Variants in ALPK2 observed in about 807,000 individuals in gnomAD.
ALPK2 encodes alpha-protein kinase 2.
A neutral mutation model predicts 163.1 loss-of-function variants in ALPK2; 127 were observed. The ratio of observed to expected loss-of-function variants is 0.78; its 90% CI spans 0.67 to 0.90. The LOEUF (loss-of-function observed/expected upper bound fraction) is 0.90. Ranked by LOEUF, ALPK2 falls within the 40% of genes least tolerant of loss-of-function variation. ALPK2 has a pLI of 0.00. For synonymous variants in ALPK2, 953 were observed against 959.1 expected (o/e 0.99, Z 0.12); for missense variants, 2,360 against 2,589.6 (o/e 0.91, Z 1.92).
chr18:58,488,006 G>A (rs1208272678), intron 12 of ALPK2, among the ~76,000 whole-genome samples: 1 of 152,134 alleles, frequency 6.6e-6, no homozygotes, highest in South Asian at 2.1e-4. Flanking sequence ...TGGAGTGGGG[G>A]TGGAATTTTC....
chr18:58,537,602 A>G lies in ALPK2; in HGVS notation c.2585T>C (p.Val862Ala). The change falls in exon 5 of 13, where the codon GTC becomes GCC. Residue 862 changes from valine to alanine, a missense_variant. Physicochemically the swap from Val to Ala is moderately conservative, Grantham distance 64. Coordinates refer to ENST00000361673, the MANE Select transcript of ALPK2 (RefSeq NM_052947.4). Reference sequence around the variant, plus strand: ...CTCAGACACTTGTGTCTGAAAAAAGACTTCCAGTGTCTTGTCATTAGAAGA... The same window carrying G: ...CTCAGACACTTGTGTCTGAAAAAAGGCTTCCAGTGTCTTGTCATTAGAAGA... ...LCSSNDKTLE[V>A]FFQTQVSETS... 1 of 1,613,712 alleles carries G rather than the reference A, an allele frequency of 6.2e-7. No homozygotes were observed. Among genetic ancestry groups the G allele is most frequent in the Non-Finnish European group, 8.5e-7 (1 of 1,179,668 alleles).
rs373719381 is a variant in ALPK2 at position 58,482,055 on chromosome 18, G to A, written c.6297-16C>T. ...TCCCTTGTACCTGTGAGTTTGGGTG[G>A]AAGGAAACATAGCTTTTAAAAACAG... is the stretch of plus-strand genomic sequence containing the variant. On this transcript the variant is annotated splice_polypyrimidine_tract_variant and intron_variant, in intron 12 of 12. Coordinates refer to ENST00000361673, the MANE Select transcript of ALPK2 (RefSeq NM_052947.4). The A allele has an allele frequency of 1.2e-5, 19 of 1,593,670 alleles. No homozygotes were observed. Among genetic ancestry groups the A allele is most frequent in the Non-Finnish European group, 2.6e-6 (3 of 1,162,180 alleles).
chr18:58,616,637 C>A (rs2052170229), intron 1 of ALPK2, among the ~76,000 whole-genome samples: 1 of 152,228 alleles, frequency 6.6e-6, no homozygotes, highest in Non-Finnish European at 1.5e-5. Context: ...CATCCACACA[C>A]TGGGAGGGTG....
intron 1 of ALPK2, among the ~76,000 whole-genome samples, chr18:58,627,480 T>C (rs1396995856): frequency 6.6e-6 from 1 of 151,936 alleles, no homozygotes; most frequent in Non-Finnish European, 1.5e-5. Flanking sequence ...AAAAATTAGC[T>C]GGGCATGGTG....
At chr18:58,616,876 G>C (rs2052172060) in intron 1 of ALPK2, among the ~76,000 whole-genome samples, 2 of 152,148 alleles carry the variant, frequency 1.3e-5, no homozygotes, top group African/African-American at 4.8e-5. Flanking sequence ...AGTTCCAGAA[G>C]CCTTGACTTG....
At chr18:58,591,558 G>A (rs2052015143) in intron 3 of ALPK2, among the ~76,000 whole-genome samples, 2 of 152,224 alleles carry the variant, frequency 1.3e-5, no homozygotes, top group South Asian at 2.1e-4. Flanking sequence ...AATGAAGGGA[G>A]GTTTCCTGGG....
At chr18:58,517,807 ACAGGTAGCAATAAAC>A (rs1470640732) in intron 8 of ALPK2, among the ~76,000 whole-genome samples, 2 of 152,258 alleles carry the variant, frequency 1.3e-5, no homozygotes, top group African/African-American at 2.4e-5. Context: ...AGTATAGGAA[ACAGGTAGCAATAAAC>A]AAAACAAAAA....
intron 1 of ALPK2, among the ~76,000 whole-genome samples, chr18:58,621,399 C>G (rs1435658670): frequency 1.3e-5 from 2 of 151,694 alleles, no homozygotes; most frequent in Admixed American, 6.6e-5. Flanking sequence ...CTCAGCCTCC[C>G]GAGCTCGAAC....
chr18:58,570,233 T>G (rs1279573841), intron 4 of ALPK2, among the ~76,000 whole-genome samples: 1 of 152,256 alleles, frequency 6.6e-6, no homozygotes, highest in African/African-American at 2.4e-5. Context: ...GTTTTTATTT[T>G]GGGAGAATAC....
chr18:58,599,373 C>T (rs2052057545), intron 3 of ALPK2, among the ~76,000 whole-genome samples: 1 of 152,212 alleles, frequency 6.6e-6, no homozygotes, highest in African/African-American at 2.4e-5. Flanking sequence ...CCACGGGAAC[C>T]TGCCTCAGCC....
At chr18:58,529,812 T>C (rs755830063) in intron 5 of ALPK2, among the ~76,000 whole-genome samples, 1 of 152,202 alleles carries the variant, frequency 6.6e-6, no homozygotes, top group Non-Finnish European at 1.5e-5. Context: ...CAAAAGAGAA[T>C]AGAAGCAATA....
intron 4 of ALPK2, among the ~76,000 whole-genome samples, chr18:58,567,231 A>C (rs971616355): frequency 3.9e-5 from 6 of 151,934 alleles, no homozygotes; most frequent in Non-Finnish European, 8.8e-5. Flanking sequence ...ACTTAAAAAA[A>C]AAAAAGGCCG....
In ALPK2 at chr18:58,578,861, T is replaced by A. The variant is rs1246600533; in HGVS notation, c.1915A>T (p.Thr639Ser). 9.3e-6 allele frequency: 15 copies of A among 1,613,768 alleles called. No individual in the cohort carries two copies. Among genetic ancestry groups the A allele is most frequent in the Non-Finnish European group, 1.2e-5 (14 of 1,179,984 alleles). The change falls in exon 4 of 13, where the codon ACT (threonine) becomes TCT (serine). Residue 639 changes from threonine to serine, a missense_variant. Physicochemically the swap from Thr to Ser is moderately conservative, Grantham distance 58. Transcript: ENST00000361673. ...GGAACCTGGCTTGTTTCAAATAGAG[T>A]ATTAACTTGCATGCCTTCTCCCTTG... is the stretch of plus-strand genomic sequence containing the variant. ...NCKGEGMQVN[T>S]LFETSQVPDW...
intron 4 of ALPK2, among the ~76,000 whole-genome samples, chr18:58,550,551 C>G (rs2051751320): frequency 9.2e-5 from 14 of 151,942 alleles, no homozygotes; most frequent in South Asian, 2.1e-4. Flanking sequence ...ATCCCCATCT[C>G]TATCATATAT....
At chr18:58,622,827 A>G (rs1048753722) in intron 1 of ALPK2, among the ~76,000 whole-genome samples, 2 of 152,144 alleles carry the variant, frequency 1.3e-5, no homozygotes, top group Non-Finnish European at 1.5e-5. Context: ...CTCCCCTGTA[A>G]TGAAAACTCC....
chr18:58,611,676 T>G lies in ALPK2; in HGVS notation c.109+13A>C. 3 of 1,607,246 alleles carry G rather than the reference T, an allele frequency of 1.9e-6. No homozygotes were observed. The highest frequency in any genetic ancestry group is 2.6e-6 in the Non-Finnish European group (3 of 1,174,882). Reference sequence around the variant, plus strand: ...GATTTTAGAGGGTGATTAGCTAGTCTAGTGATGGTTACCAGATATTATGCA... The same window carrying G: ...GATTTTAGAGGGTGATTAGCTAGTCGAGTGATGGTTACCAGATATTATGCA... On this transcript the variant is annotated intron_variant, in intron 2 of 12. Transcript: ENST00000361673.
At chr18:58,511,756 GCA>G (rs1367404627) in intron 10 of ALPK2, 1 of 152,128 alleles carries the variant, frequency 6.6e-6, no homozygotes, top group Admixed American at 6.5e-5. Flanking sequence ...CCTTTGACGG[GCA>G]CACAGGCATC....
intron 12 of ALPK2, among the ~76,000 whole-genome samples, chr18:58,493,761 G>C (rs926291953): frequency 6.6e-6 from 1 of 152,120 alleles, no homozygotes; most frequent in African/African-American, 2.4e-5. Flanking sequence ...CTTAAGCCTC[G>C]TCGTTCCTTC....
intron 2 of ALPK2, among the ~76,000 whole-genome samples, chr18:58,610,292 A>AG (rs1260216011): frequency 6.6e-6 from 1 of 151,574 alleles, no homozygotes; most frequent in Non-Finnish European, 1.5e-5. Flanking sequence ...AAAAAAAAAA[A>AG]AAAAAAGAGC....
Sources: allele counts gnomAD v4.1 joint callset (sites outside exome capture counted in the v4.1 genomes callset), GRCh38; gene constraint gnomAD v4.1.1; transcripts MANE v1.5; gene names NCBI Gene and HGNC (gene_info 2026-07-23, HGNC 2026-07-21).